Variants in CHPF observed in about 807,000 individuals in gnomAD.
The protein encoded by CHPF is chondroitin polymerizing factor, non-catalytic subunit.
Under a neutral mutation model 55.1 loss-of-function variants are expected in CHPF, and 34 were observed. The observed-to-expected ratio is 0.62, with a 90% CI of 0.47 to 0.82. The LOEUF (loss-of-function observed/expected upper bound fraction) is 0.82. CHPF is among the 40% of genes least tolerant of loss of function. The pLI is 0.00. For synonymous variants in CHPF, 489 were observed against 496.6 expected (o/e 0.98, Z 0.20); for missense variants, 961 against 1,106.1 (o/e 0.87, Z 1.86).
Position 219,541,069 on chromosome 2 carries a change from G to A in CHPF, c.945C>T (p.Asp315=), listed in dbSNP as rs770064387. ...CTGTCAGGGCACTTCGGAAATGAGGGTCCCCCTCCTGCACTGGCTCCCCAG... is the reference window on the plus strand; with the variant it reads ...CTGTCAGGGCACTTCGGAAATGAGGATCCCCCTCCTGCACTGGCTCCCCAG... ...LSPGEPVQEG[D]PHFRSALTAH... The change falls in exon 3 of 4, where the codon GAC becomes GAT. Residue 315 remains aspartate, a synonymous_variant. Coordinates refer to ENST00000243776, the MANE Select transcript of CHPF (RefSeq NM_024536.6). 1.9e-6 allele frequency: 3 copies of A among 1,613,406 alleles called. No homozygotes were observed. The highest frequency in any genetic ancestry group is 2.5e-6 in the Non-Finnish European group (3 of 1,179,748).
At chr2:219,541,216 G>A in intron 2 of CHPF, 91 bp from the exon 3 acceptor site, 2 of 1,250,368 alleles carry the variant, frequency 1.6e-6, no homozygotes, top group Non-Finnish European at 2.1e-6. Flanking sequence ...CCTATGACCT[G>A]TTGTGGACTT....
Position 219,540,285 on chromosome 2 carries a change from C to T in CHPF, c.1426G>A (p.Gly476Arg). The T allele has an allele frequency of 1.2e-6, 2 of 1,613,850 alleles. No individual in the cohort carries two copies. Among genetic ancestry groups the T allele is most frequent in the Non-Finnish European group, 1.7e-6 (2 of 1,179,922 alleles). Residue 476 changes from glycine (G) to arginine (R), a missense_variant, in exon 4 of 4, where the codon GGA (glycine) becomes AGA (arginine). By Grantham distance (125) the Gly-to-Arg change is moderately radical. Transcript: ENST00000243776. ...DLQLEALTPQ[G>R]GRRPLTRRVQ... ...CGGCGAGTGAGGGGCCGGCGGCCTC[C>T]CTGGGGGGTCAGTGCCTCCAGCTGC... is the stretch of plus-strand genomic sequence containing the variant.
Position 219,541,935 on chromosome 2 carries a change from T to C in CHPF, c.569A>G (p.Asp190Gly). 2 of 1,613,446 alleles carry C rather than the reference T, an allele frequency of 1.2e-6. No homozygotes were observed. Among genetic ancestry groups the C allele is most frequent in the Non-Finnish European group, 8.5e-7 (1 of 1,179,778 alleles). Residue 190 changes from aspartate (D) to glycine (G), a missense_variant, in exon 2 of 4, where the codon GAC becomes GGC. Asp to Gly is a moderately conservative substitution (Grantham distance 94). Transcript: ENST00000243776. Reference sequence around the variant, plus strand: ...CACCAGGAAGAACCAGTCAAAGTCGTCGCCGTGCTGCTCCAGCAGGTGGCG... The same window carrying C: ...CACCAGGAAGAACCAGTCAAAGTCGCCGCCGTGCTGCTCCAGCAGGTGGCG... Reference protein sequence around the residue: ...ALRHLLEQHGDDFDWFFLVPD... With the variant: ...ALRHLLEQHGGDFDWFFLVPD...
In CHPF at chr2:219,543,423, C is replaced by T. The variant is rs1391248525; in HGVS notation, c.116G>A (p.Gly39Asp). ...LSVTWVEEPC[G>D]PGPPQPGDSE... Reference sequence around the variant, plus strand: ...GTCTCCAGGTTGGGGCGGGCCTGGGCCGCACGGCTCCTCCACCCAGGTGAC... The same window carrying T: ...GTCTCCAGGTTGGGGCGGGCCTGGGTCGCACGGCTCCTCCACCCAGGTGAC... Residue 39 changes from glycine to aspartate, a missense_variant, in exon 1 of 4, where the codon GGC (glycine) becomes GAC (aspartate). Physicochemically the swap from Gly to Asp is moderately conservative, Grantham distance 94. This residue lies in a region of CHPF where 936 missense variants were observed against 1,058.4 expected (regional missense o/e 0.88). Transcript: ENST00000243776. The T allele has an allele frequency of 6.6e-7, 1 of 1,524,878 alleles. No homozygotes were observed. The highest frequency in any genetic ancestry group is 8.7e-7 in the Non-Finnish European group (1 of 1,147,094). The allele number at this position is 1,524,878 out of a possible 1,614,324, so 94.5% of individuals were successfully genotyped here.
chr2:219,541,701 T>A lies in CHPF; in HGVS notation c.803A>T (p.Asn268Ile). 2 of 1,612,066 alleles carry A rather than the reference T, an allele frequency of 1.2e-6. No individual in the cohort carries two copies. Among genetic ancestry groups the A allele is most frequent in the Non-Finnish European group, 1.7e-6 (2 of 1,179,126 alleles). The change falls in exon 2 of 4, where the codon AAC (asparagine) becomes ATC (isoleucine). Residue 268 changes from asparagine to isoleucine, a missense_variant. Asn to Ile is a moderately radical substitution (Grantham distance 149). Transcript: ENST00000243776. ...QLRPHLEGCR[N>I]DIVSARPDEW... ...GTCAGGGCGCGCACTGACGATGTCG[T>A]TGCGGCAGCCTTCCAGGTGGGGGCG...
chr2:219,541,844 G>A lies in CHPF; in HGVS notation c.660C>T (p.Ser220=), dbSNP rs1460511991. ...ARLTGHLSLA[S]AAHLYLGRPQ... ...GCCGGCCCAGGTACAGGTGGGCGGC[G>A]GAGGCCAGGCTGAGGTGGCCAGTTA... The change falls in exon 2 of 4, where the codon TCC becomes TCT. Residue 220 remains serine, a synonymous_variant. Coordinates refer to ENST00000243776, the MANE Select transcript of CHPF (RefSeq NM_024536.6). 1.2e-6 allele frequency: 2 copies of A among 1,610,252 alleles called. No homozygotes were observed. The highest frequency in any genetic ancestry group is 2.7e-5 in the African/African-American group (2 of 74,986).
chr2:219,539,284 C>CGGCCAGCTTGGGGTCTGGCTAT lies in CHPF; in HGVS notation c.*98_*99insATAGCCAGACCCCAAGCTGGCC, dbSNP rs1695207123. The CGGCCAGCTTGGGGTCTGGCTAT allele has an allele frequency of 1.6e-6, 2 of 1,247,996 alleles. No homozygotes were observed. Among genetic ancestry groups the CGGCCAGCTTGGGGTCTGGCTAT allele is most frequent in the Admixed American group, 5.0e-5 (2 of 40,000 alleles). 77.3% of individuals were successfully genotyped at this position (1,247,996 alleles called of 1,614,324 possible). On this transcript the variant is annotated 3_prime_UTR_variant, in exon 4 of 4. Transcript: ENST00000243776. ...AGTGGGCCAGCTTGGGGTCTGGCTA[C>CGGCCAGCTTGGGGTCTGGCTAT]GGCCAGCCCTGCCCAGCGAGGCTGG...
At position 219,539,427 on chromosome 2, in the gene CHPF, G is replaced by A. The variant is rs774466197; in HGVS notation, c.2284C>T (p.Leu762=). Residue 762 remains leucine, a synonymous_variant, in exon 4 of 4, where the codon CTG becomes TTG. Transcript: ENST00000243776. The part of the protein sequence containing the change: ...VLEGLGSRTQ[L]AMLLFEQEQG... ...TCCTGTTCAAAGAGTAGCATGGCCA[G>A]CTGGGTTCGGGAGCCGAGGCCCTCA... is the stretch of plus-strand genomic sequence containing the variant. The A allele has an allele frequency of 1.9e-6, 3 of 1,611,570 alleles. No homozygotes were observed. The South Asian group carries it at 3.3e-5, about 18-fold the overall frequency.
Position 219,541,845 on chromosome 2 carries a change from G to C in CHPF, c.659C>G (p.Ser220Cys), listed in dbSNP as rs1695276305. The C allele has an allele frequency of 1.4e-5, 22 of 1,610,446 alleles. No homozygotes were observed. The highest frequency in any genetic ancestry group is 1.9e-5 in the Non-Finnish European group (22 of 1,178,504). Residue 220 changes from serine to cysteine, a missense_variant, in exon 2 of 4, where the codon TCC becomes TGC. Coordinates refer to ENST00000243776, the MANE Select transcript of CHPF (RefSeq NM_024536.6). ...CCGGCCCAGGTACAGGTGGGCGGCGGAGGCCAGGCTGAGGTGGCCAGTTAG... is the reference window on the plus strand; with the variant it reads ...CCGGCCCAGGTACAGGTGGGCGGCGCAGGCCAGGCTGAGGTGGCCAGTTAG... The part of the protein sequence containing the change: ...ARLTGHLSLA[S>C]AAHLYLGRPQ...
At chr2:219,543,182 C>T in intron 1 of CHPF, 43 bp downstream of exon 1, 1 of 1,397,844 alleles carries the variant, frequency 7.2e-7, no homozygotes, top group Non-Finnish European at 9.2e-7. Context: ...GCGCGCTTCC[C>T]GGCCGCTGCC....
chr2:219,542,939 C>G, intron 1 of CHPF: 2 of 1,251,818 alleles, frequency 1.6e-6, no homozygotes, highest in Non-Finnish European at 2.0e-6. Flanking sequence ...TTCTCTAACA[C>G]CAGCAGCCCA....
In CHPF at chr2:219,543,539, G is replaced by T; in HGVS notation, c.-1C>A. 1 of 1,333,684 alleles carries T rather than the reference G, an allele frequency of 7.5e-7. No individual in the cohort carries two copies. The highest frequency in any genetic ancestry group is 9.6e-7 in the Non-Finnish European group (1 of 1,046,880). 82.6% of individuals were successfully genotyped at this position (1,333,684 alleles called of 1,614,324 possible). On this transcript the variant is annotated 5_prime_UTR_variant, in exon 1 of 4. Coordinates refer to ENST00000243776, the MANE Select transcript of CHPF (RefSeq NM_024536.6). ...CCGACAGCAGCAGCGATGCCCGCAT[G>T]GCGCCCGGACCGCGGGTCCCCGGCC...
At position 219,539,532 on chromosome 2, in the gene CHPF, G is replaced by C; in HGVS notation, c.2179C>G (p.Leu727Val). The change falls in exon 4 of 4, where the codon CTG becomes GTG. Residue 727 changes from leucine (L) to valine (V), a missense_variant. Leu to Val is a conservative substitution (Grantham distance 32, BLOSUM62 1). Transcript: ENST00000243776. ...LHVLRAVEPALLQRYRAQTCS... is the reference protein window; with the variant it reads ...LHVLRAVEPAVLQRYRAQTCS... ...GTCTGGGCCCGGTAGCGCTGCAGCA[G>C]CGCCGGCTCCACCGCCCGCAGCACA... 6.2e-7 allele frequency: 1 copy of C among 1,613,806 alleles called. No homozygotes were observed. The highest frequency in any genetic ancestry group is 8.5e-7 in the Non-Finnish European group (1 of 1,179,918).
intron 1 of CHPF, 44 bp from the exon 2 acceptor site, chr2:219,542,233 CG>C (rs752637660): frequency 4.2e-6 from 2 of 476,842 alleles, no homozygotes; most frequent in Non-Finnish European, 2.8e-6. Flanking sequence ...GACAACGGGG[CG>C]GGGGGTGGGG....
Position 219,540,288 on chromosome 2 carries a change from G to C in CHPF, c.1423C>G (p.Gln475Glu). The change falls in exon 4 of 4, where the codon CAG becomes GAG. Residue 475 changes from glutamine (Q) to glutamate (E), a missense_variant. This residue lies in a region of CHPF where 936 missense variants were observed against 1,058.4 expected (regional missense o/e 0.88). Transcript: ENST00000243776. ...LDLQLEALTP[Q>E]GGRRPLTRRV... is the part of the protein sequence containing the mutation. ...CGAGTGAGGGGCCGGCGGCCTCCCT[G>C]GGGGGTCAGTGCCTCCAGCTGCAAG... is the stretch of plus-strand genomic sequence containing the variant. 1.9e-6 allele frequency: 3 copies of C among 1,613,832 alleles called. No individual in the cohort carries two copies. Among genetic ancestry groups the C allele is most frequent in the Non-Finnish European group, 1.7e-6 (2 of 1,179,916 alleles).
chr2:219,539,709 G>T lies in CHPF; in HGVS notation c.2002C>A (p.Arg668Ser), dbSNP rs772953039. Reference sequence around the variant, plus strand: ...TCGCTGGCTGCCTGGCGATCAAAGCGGCCAGTGTCACGGCCCAGCTCTGGG... The same window carrying T: ...TCGCTGGCTGCCTGGCGATCAAAGCTGCCAGTGTCACGGCCCAGCTCTGGG... ...GPPELGRDTG[R>S]FDRQAASEAC... Residue 668 changes from arginine (R) to serine (S), a missense_variant, in exon 4 of 4, where the codon CGC becomes AGC. Physicochemically the swap from Arg to Ser is moderately radical, Grantham distance 110. Coordinates refer to ENST00000243776, the MANE Select transcript of CHPF (RefSeq NM_024536.6). 10 of 1,613,420 alleles carry T rather than the reference G, an allele frequency of 6.2e-6. No individual in the cohort carries two copies. Among genetic ancestry groups the T allele is most frequent in the Non-Finnish European group, 8.5e-6 (10 of 1,179,908 alleles).
At position 219,539,474 on chromosome 2, in the gene CHPF, TG is replaced by T. The variant is rs747488635; in HGVS notation, c.2236del (p.His746ThrfsTer148). 4 of 1,613,382 alleles carry T rather than the reference TG, an allele frequency of 2.5e-6. No homozygotes were observed. In the African/African-American group the frequency reaches 4.0e-5, roughly 16 times the overall value. On this transcript the variant is annotated frameshift_variant, in exon 4 of 4. Transcript: ENST00000243776. LOFTEE classifies it high-confidence loss of function. Reference sequence around the variant, plus strand: ...CTCAAGCACGCTCTGGAGGCAGCGGTGGTACAGGTCCTCACTGAGCCTCGCG... The same window carrying T: ...CTCAAGCACGCTCTGGAGGCAGCGGTGTACAGGTCCTCACTGAGCCTCGCG... ...CSARLSEDLYHRCLQSVLEGL... is the reference protein window; with the variant it reads ...CSARLSEDLYXRCLQSVLEGL...
At position 219,540,544 on chromosome 2, in the gene CHPF, A is replaced by G; in HGVS notation, c.1167T>C (p.Phe389=). 6.2e-7 allele frequency: 1 copy of G among 1,613,622 alleles called. No individual in the cohort carries two copies. The highest frequency in any genetic ancestry group is 2.2e-5 in the East Asian group (1 of 44,878). ...IPAPSRPASR[F]EVLRWDYFTE... Reference sequence around the variant, plus strand: ...TGAAGTAGTCCCAGCGCAGCACCTCAAAGCGGGAGGCCGGGCGGGATGGTG... The same window carrying G: ...TGAAGTAGTCCCAGCGCAGCACCTCGAAGCGGGAGGCCGGGCGGGATGGTG... Residue 389 remains phenylalanine, a synonymous_variant, in exon 4 of 4, where the codon TTT becomes TTC. Coordinates refer to ENST00000243776, the MANE Select transcript of CHPF (RefSeq NM_024536.6).
rs1695261436 is a variant in CHPF, at chr2:219,541,118, T to C, written c.896A>G (p.His299Arg). ...AGGGCTCAGCTCCAGATGGCTATAG[T>C]GCACCCCCTGGGGAGAGGAAGGGAA... ...VGCTGDHEGV[H>R]YSHLELSPGE... The change falls in exon 3 of 4, where the codon CAC becomes CGC. Residue 299 changes from histidine to arginine, a missense_variant. Physicochemically the swap from His to Arg is conservative, Grantham distance 29. Around this residue, in one of 3 missense-constraint regions of CHPF, gnomAD observed 936 missense variants for 1,058.4 expected, o/e 0.88. Transcript: ENST00000243776. 1.2e-6 allele frequency: 2 copies of C among 1,600,012 alleles called. No homozygotes were observed. The highest frequency in any genetic ancestry group is 1.7e-6 in the Non-Finnish European group (2 of 1,174,308).
Sources: allele counts gnomAD v4.1 joint callset, GRCh38; gene constraint gnomAD v4.1.1; regional missense constraint gnomAD v4.1.1; transcripts MANE v1.5; gene names NCBI Gene and HGNC (gene_info 2026-07-23, HGNC 2026-07-21).